CMC1: variants seen among roughly 807,000 people sequenced by gnomAD.
CMC1 encodes COX assembly mitochondrial protein homolog.
Under a neutral mutation model 14.1 loss-of-function variants are expected in CMC1, and 14 were observed. The observed-to-expected ratio is 0.99, with a 90% CI of 0.66 to 1.55. The LOEUF (loss-of-function observed/expected upper bound fraction) is 1.55. Ranked by LOEUF, CMC1 falls within the 40% of genes most tolerant of loss-of-function variation. CMC1 has a pLI of 0.00. For missense variants in CMC1, 127 were observed against 123.8 expected (o/e 1.03, Z -0.12); for synonymous variants, 50 against 38.4 (o/e 1.30, Z -1.12).
At chr3:28,287,830 A>G (rs980876405) in intron 2 of CMC1, among the ~76,000 whole-genome samples, 3 of 151,776 alleles carry the variant, frequency 2.0e-5, no homozygotes, top group Non-Finnish European at 4.4e-5. Context: ...TTCAGTTTTT[A>G]TGTGTTATTT....
chr3:28,245,047 G>T (rs1315716500), intron 1 of CMC1, among the ~76,000 whole-genome samples: 1 of 151,716 alleles, frequency 6.6e-6, no homozygotes, highest in Non-Finnish European at 1.5e-5. Context: ...GCCCACGATG[G>T]TATTTGCCCA....
At chr3:28,310,839 A>G (rs1011152127) in intron 2 of CMC1, among the ~76,000 whole-genome samples, 12 of 152,206 alleles carry the variant, frequency 7.9e-5, no homozygotes, top group Non-Finnish European at 1.6e-4. Context: ...ACCTCAGATC[A>G]TCAGCCATTA....
chr3:28,274,721 C>T (rs1022364868), intron 2 of CMC1, among the ~76,000 whole-genome samples: 23 of 151,938 alleles, frequency 1.5e-4, no homozygotes, highest in African/African-American at 5.5e-4. Flanking sequence ...AGCTTGTTTC[C>T]ATACTTCCTG....
intron 2 of CMC1, among the ~76,000 whole-genome samples, chr3:28,282,251 GT>G (rs2125521876): frequency 6.6e-6 from 1 of 152,292 alleles, no homozygotes; most frequent in East Asian, 1.9e-4. Flanking sequence ...TCCATTAACA[GT>G]GACAGACAGC....
At position 28,322,996 on chromosome 3, in the gene CMC1, T is replaced by C. The variant is rs931366122; in HGVS notation, c.*3367T>C. 6.7e-6 allele frequency: 1 copy of C among 148,238 alleles called. No individual in the cohort carries two copies. Among genetic ancestry groups the C allele is most frequent in the Non-Finnish European group, 1.5e-5 (1 of 65,590 alleles). The allele number at this position is 148,238 out of a possible 1,614,324, so 9.2% of individuals were successfully genotyped here. ...AAGCCATCTTTATTTCCTTCTTTAT[T>C]TCCAAATAATTGGCCACTTAGAATA... On this transcript the variant is annotated 3_prime_UTR_variant, in exon 4 of 4. Transcript: ENST00000466830.
chr3:28,272,545 C>A (rs1199805427), intron 2 of CMC1, among the ~76,000 whole-genome samples: 1 of 152,128 alleles, frequency 6.6e-6, no homozygotes, highest in Admixed American at 6.5e-5. Context: ...TGTGTTGAAC[C>A]AGCCTTGCAT....
chr3:28,319,162 C>T (rs748755602), intron 3 of CMC1: 47 of 443,562 alleles, frequency 1.1e-4, no homozygotes, highest in Non-Finnish European at 1.9e-4. Flanking sequence ...CCTCTGCCCT[C>T]CCCATTTCTT....
At chr3:28,264,165 G>A (rs1699887408) in intron 2 of CMC1, among the ~76,000 whole-genome samples, 1 of 152,180 alleles carries the variant, frequency 6.6e-6, no homozygotes, top group Non-Finnish European at 1.5e-5. Flanking sequence ...TATGGGCATA[G>A]GCTATTTTCC....
rs1703280227 is a variant in CMC1 at position 28,323,969 on chromosome 3, G to C, written c.*4340G>C. Reference sequence around the variant, plus strand: ...TTTAATCAAAATCTCCTTTCAGTTTGTTAAATAATTTCTTGGGAGGACCAC... The same window carrying C: ...TTTAATCAAAATCTCCTTTCAGTTTCTTAAATAATTTCTTGGGAGGACCAC... On this transcript the variant is annotated 3_prime_UTR_variant, in exon 4 of 4. Coordinates refer to ENST00000466830, the MANE Select transcript of CMC1 (RefSeq NM_182523.2). The C allele has an allele frequency of 2.7e-6, 4 of 1,463,446 alleles. No homozygotes were observed. The highest frequency in any genetic ancestry group is 3.7e-6 in the Non-Finnish European group (4 of 1,083,088). 90.7% of individuals were successfully genotyped at this position (1,463,446 alleles called of 1,614,324 possible). A position where few individuals can be genotyped will look rare whatever the true frequency, so the allele number is the denominator to read the frequency against.
chr3:28,289,588 T>C (rs1701365886), intron 2 of CMC1, among the ~76,000 whole-genome samples: 8 of 152,038 alleles, frequency 5.3e-5, no homozygotes, highest in Admixed American at 4.6e-4. Flanking sequence ...GATCTTTATT[T>C]AGGGAGAAAG....
intron 2 of CMC1, among the ~76,000 whole-genome samples, chr3:28,314,607 C>T (rs1359553873): frequency 6.6e-6 from 1 of 152,166 alleles, no homozygotes; most frequent in South Asian, 2.1e-4. Context: ...GTATCACTCA[C>T]TTCATGTGAT....
intron 2 of CMC1, among the ~76,000 whole-genome samples, chr3:28,275,881 G>C (rs1700565952): frequency 6.6e-6 from 1 of 152,180 alleles, no homozygotes. Flanking sequence ...GATCTAAACA[G>C]GCAGTCTGGC....
At chr3:28,281,795 T>A (rs574977435) in intron 2 of CMC1, among the ~76,000 whole-genome samples, 1 of 152,342 alleles carries the variant, frequency 6.6e-6, no homozygotes, top group South Asian at 2.1e-4. Context: ...GACCTTGAAG[T>A]ACGGCTAATT....
At chr3:28,269,733 T>C (rs1317261265) in intron 2 of CMC1, among the ~76,000 whole-genome samples, 3 of 152,102 alleles carry the variant, frequency 2.0e-5, no homozygotes, top group Non-Finnish European at 4.4e-5. Flanking sequence ...GCCTCGCTAA[T>C]GTTTGTATTT....
At chr3:28,319,090 T>G (rs1202445266) in intron 3 of CMC1, 1 of 362,070 alleles carries the variant, frequency 2.8e-6, no homozygotes, top group African/African-American at 2.1e-5. Context: ...CTTCCCACAC[T>G]TGCCTTCTAT....
chr3:28,311,056 C>G (rs1489570116), intron 2 of CMC1, among the ~76,000 whole-genome samples: 1 of 152,144 alleles, frequency 6.6e-6, no homozygotes, highest in Non-Finnish European at 1.5e-5. Context: ...GTCTGCAGTC[C>G]GGGATTTGGG....
chr3:28,273,064 C>T (rs931392771), intron 2 of CMC1, among the ~76,000 whole-genome samples: 1 of 152,192 alleles, frequency 6.6e-6, no homozygotes. Flanking sequence ...AATCCCACCT[C>T]TTCAGTTGTT....
At chr3:28,253,766 G>GT in intron 1 of CMC1, 1 of 1,279,138 alleles carries the variant, frequency 7.8e-7, no homozygotes, top group Non-Finnish European at 1.0e-6. Flanking sequence ...TCAGGAGCAA[G>GT]TAAGTGTTAA....
At chr3:28,247,093 T>C (rs549772435) in intron 1 of CMC1, among the ~76,000 whole-genome samples, 30 of 152,302 alleles carry the variant, frequency 2.0e-4, no homozygotes, top group African/African-American at 7.2e-4. Flanking sequence ...AGCTAGCTTC[T>C]GGATCTTTGT....
Sources: gnomAD v4.1 joint callset for allele counts (sites outside exome capture counted in the v4.1 genomes callset) on GRCh38, gnomAD v4.1.1 for gene constraint, MANE v1.5 for transcripts, NCBI Gene and HGNC (gene_info 2026-07-23, HGNC 2026-07-21) for gene names.